The following DPYSL2 variants were observed in gnomAD, a reference collection of about 807,000 sequenced individuals.
DPYSL2 encodes the protein dihydropyrimidinase like 2.
A neutral mutation model predicts 69.9 loss-of-function variants in DPYSL2; 13 were observed. The observed-to-expected ratio is 0.19, with a 90% CI of 0.12 to 0.30. DPYSL2 has a LOEUF of 0.30. DPYSL2 is among the 10% of genes least tolerant of loss of function. The pLI is 1.00. For missense variants in DPYSL2, 587 were observed against 918.9 expected (o/e 0.64, Z 4.67); for synonymous variants, 326 against 359.1 (o/e 0.91, Z 1.04).
At chr8:26,590,740 AC>A (rs1801706576) in intron 3 of DPYSL2, among the ~76,000 whole-genome samples, 1 of 152,262 alleles carries the variant, frequency 6.6e-6, no homozygotes, top group African/African-American at 2.4e-5. Flanking sequence ...AATGCCTGGC[AC>A]TGAGCAGAGC....
intron 4 of DPYSL2, among the ~76,000 whole-genome samples, chr8:26,625,626 C>T (rs2129909107): frequency 6.6e-6 from 1 of 152,302 alleles, no homozygotes; most frequent in African/African-American, 2.4e-5. Context: ...AGAATTGCGA[C>T]ATCTGCTTGT....
At chr8:26,601,102 G>A (rs796340797) in intron 3 of DPYSL2, among the ~76,000 whole-genome samples, 6 of 152,188 alleles carry the variant, frequency 3.9e-5, no homozygotes, top group African/African-American at 7.2e-5. Context: ...TCTCCAGAGG[G>A]CAGAGGAATC....
intron 3 of DPYSL2, among the ~76,000 whole-genome samples, chr8:26,622,017 A>G (rs1481579781): frequency 2.0e-5 from 3 of 152,156 alleles, no homozygotes; most frequent in African/African-American, 7.2e-5. Flanking sequence ...GGGAGTGGGT[A>G]GGGAGATTCT....
intron 1 of DPYSL2, among the ~76,000 whole-genome samples, chr8:26,574,231 A>G (rs1008724010): frequency 6.6e-6 from 1 of 152,134 alleles, no homozygotes; most frequent in Non-Finnish European, 1.5e-5. Context: ...GGCTTAGGGC[A>G]AGATGTAGAT....
intron 1 of DPYSL2, among the ~76,000 whole-genome samples, chr8:26,545,874 T>G (rs1318963956): frequency 1.3e-5 from 2 of 152,248 alleles, no homozygotes; most frequent in Admixed American, 6.5e-5. Context: ...CTTCCCTTGA[T>G]CTGTTTGTCT....
rs1585555175 is a variant in DPYSL2, at chr8:26,624,719, C to T, written c.793+412C>T. On this transcript the variant is annotated intron_variant, in intron 4 of 13. Transcript: ENST00000521913. This position sits in a 1 kb window ranked among gnomAD's most constrained non-coding sequence, Gnocchi z 4.7. ...GAGAGTGTTGGGCAGCCCCTTCCTA[C>T]AAACCTGGATGGATCTAGGATAGAT... 6.6e-6 allele frequency among the ~76,000 whole-genome samples: 1 copy of T among 152,118 alleles called. No individual in the cohort carries two copies. Among genetic ancestry groups the T allele is most frequent in the African/African-American group, 2.4e-5 (1 of 41,418 alleles).
chr8:26,616,618 G>A (rs1180086248), intron 3 of DPYSL2, among the ~76,000 whole-genome samples: 1 of 152,218 alleles, frequency 6.6e-6, no homozygotes, highest in Non-Finnish European at 1.5e-5. Context: ...AATATCCAGG[G>A]AGCAGGGGAA....
At position 26,569,529 on chromosome 8, in the gene DPYSL2, C is replaced by G. The variant is rs139055902; in HGVS notation, c.355-12440C>G. On this transcript the variant is annotated intron_variant, in intron 1 of 13. Transcript: ENST00000521913. ...TAGAAAGGTTCTCCTGTTCATTTGT[C>G]ATTTAACTCTTGTTTGTTGAGTGTT... 2.0e-5 allele frequency among the ~76,000 whole-genome samples: 3 copies of G among 152,254 alleles called. No homozygotes were observed. In the East Asian group the frequency reaches 5.8e-4, roughly 29 times the overall value.
intron 7 of DPYSL2, among the ~76,000 whole-genome samples, chr8:26,632,974 C>G (rs890760537): frequency 1.3e-5 from 2 of 152,210 alleles, no homozygotes; most frequent in African/African-American, 4.8e-5. Context: ...TGTCTCAGCT[C>G]TGCTAAATTA....
At chr8:26,526,285 G>T (rs1027367614) in intron 1 of DPYSL2, among the ~76,000 whole-genome samples, 1 of 152,068 alleles carries the variant, frequency 6.6e-6, no homozygotes, top group Non-Finnish European at 1.5e-5. Flanking sequence ...AGTAGAGACG[G>T]GGTTTCACCA....
intron 1 of DPYSL2, among the ~76,000 whole-genome samples, chr8:26,531,347 C>T (rs1563376636): frequency 6.6e-6 from 1 of 152,092 alleles, no homozygotes; most frequent in Non-Finnish European, 1.5e-5. Flanking sequence ...CAGTAACACT[C>T]CTGGGTATGC....
At chr8:26,568,567 C>T (rs11784261) in intron 1 of DPYSL2, among the ~76,000 whole-genome samples, 9,386 of 152,256 alleles carry the variant, frequency 0.062, 410 homozygotes, top group South Asian at 0.11. Context: ...TACTTTCAAG[C>T]ATTCACAGAC....
intron 8 of DPYSL2, among the ~76,000 whole-genome samples, chr8:26,639,410 T>G (rs568763712): frequency 6.6e-6 from 1 of 152,190 alleles, no homozygotes; most frequent in Non-Finnish European, 1.5e-5. Context: ...CAGAATTCCT[T>G]CCCAATCTAT....
At position 26,582,431 on chromosome 8, in the gene DPYSL2, G is replaced by T. The variant is rs1234313713; in HGVS notation, c.443+374G>T. Among the ~76,000 whole-genome samples the T allele has an allele frequency of 2.0e-5, 3 of 152,228 alleles. No individual in the cohort carries two copies. Among genetic ancestry groups the T allele is most frequent in the African/African-American group, 7.2e-5 (3 of 41,454 alleles). On this transcript the variant is annotated intron_variant, in intron 2 of 13. Coordinates refer to ENST00000521913, the MANE Select transcript of DPYSL2 (RefSeq NM_001197293.3). This position sits in a 1 kb window ranked among gnomAD's most constrained non-coding sequence, Gnocchi z 4.1. Reference sequence around the variant, plus strand: ...CCAAAGGACGCAAACGTGAAAGACAGTCTCCTCTATTGAGACAGCACATCT... The same window carrying T: ...CCAAAGGACGCAAACGTGAAAGACATTCTCCTCTATTGAGACAGCACATCT...
Position 26,624,606 on chromosome 8 carries a change from C to A in DPYSL2, c.793+299C>A, listed in dbSNP as rs1239331312. On this transcript the variant is annotated intron_variant, in intron 4 of 13. Coordinates refer to ENST00000521913, the MANE Select transcript of DPYSL2 (RefSeq NM_001197293.3). The surrounding 1 kb of genome is among the most constrained non-coding windows in gnomAD (Gnocchi z 4.7). ...GGTTTGTGAGCACCGTGCTCTCTAG[C>A]CAGGGTGGGGAGTTGAGGCTGCTGA... is the stretch of plus-strand genomic sequence containing the variant. Among the ~76,000 whole-genome samples the A allele has an allele frequency of 6.6e-6, 1 of 152,126 alleles. No homozygotes were observed. The highest frequency in any genetic ancestry group is 6.5e-5 in the Admixed American group (1 of 15,272).
chr8:26,566,870 A>T (rs1216293359), intron 1 of DPYSL2, among the ~76,000 whole-genome samples: 1 of 151,924 alleles, frequency 6.6e-6, no homozygotes, highest in Non-Finnish European at 1.5e-5. Flanking sequence ...CCATCTATCC[A>T]TCCATTCACC....
intron 1 of DPYSL2, among the ~76,000 whole-genome samples, chr8:26,528,644 TAA>T (rs371586511): frequency 3.5e-5 from 4 of 115,628 alleles, no homozygotes; most frequent in Admixed American, 1.8e-4. Context: ...AGACTCTGTC[TAA>T]AAAAAAAAAA....
Position 26,597,478 on chromosome 8 carries a change from T to C in DPYSL2, c.628+13495T>C, listed in dbSNP as rs116719232. ...ACGGGCAGATGGCATTTTTCTTTTC[T>C]TTTCTTTTTTTTTGGATACAGAGTC... On this transcript the variant is annotated intron_variant, in intron 3 of 13. Transcript: ENST00000521913. The surrounding 1 kb of genome is among the most constrained non-coding windows in gnomAD (Gnocchi z 5.2). Among the ~76,000 whole-genome samples, 617 of 152,142 alleles carry C rather than the reference T, an allele frequency of 4.1e-3. 7 individuals are homozygous for C. The highest frequency in any genetic ancestry group is 0.014 in the African/African-American group (595 of 41,452).
At chr8:26,578,625 A>C (rs1219286125) in intron 1 of DPYSL2, 2 of 1,194,590 alleles carry the variant, frequency 1.7e-6, no homozygotes, top group Non-Finnish European at 2.1e-6. Context: ...GCCAGATTGA[A>C]TATGCATGCC....
Sources: allele counts gnomAD v4.1 joint callset (sites outside exome capture counted in the v4.1 genomes callset), GRCh38; gene constraint gnomAD v4.1.1; non-coding constraint Gnocchi (gnomAD v3.1); transcripts MANE v1.5; gene names NCBI Gene and HGNC (gene_info 2026-07-23, HGNC 2026-07-21).